Variants in CNOT1 observed in about 807,000 individuals in gnomAD.
The protein encoded by CNOT1 is CCR4-associated factor 1.
A neutral mutation model predicts 273.8 loss-of-function variants in CNOT1; 15 were observed. That is an observed-to-expected ratio of 0.05 (90% CI 0.04 to 0.08). The LOEUF is 0.08. Ranked by LOEUF, CNOT1 falls within the 10% of genes least tolerant of loss-of-function variation. The pLI, the probability that CNOT1 is intolerant of heterozygous loss-of-function variation, is 1.00. For synonymous variants in CNOT1, 1,022 were observed against 1,005.5 expected, an observed-to-expected ratio of 1.02 and a Z score of -0.31; for missense variants, 1,644 against 2,912.2, an observed-to-expected ratio of 0.56 and a Z score of 10.02.
intron 16 of CNOT1, among the ~76,000 whole-genome samples, chr16:58,565,939 C>CAAAA (rs35857214): frequency 1.4e-5 from 2 of 144,808 alleles, no homozygotes; most frequent in Admixed American, 7.0e-5. Flanking sequence ...GACCCTGCCT[C>CAAAA]AAAAAAAAAA....
intron 1 of CNOT1, among the ~76,000 whole-genome samples, chr16:58,612,805 G>A (rs1446631096): frequency 6.6e-6 from 1 of 152,090 alleles, no homozygotes; most frequent in Non-Finnish European, 1.5e-5. Context: ...AGATTTATGG[G>A]GCAGTTCCAA....
chr16:58,593,471 A>T (rs1433364569), intron 2 of CNOT1, among the ~76,000 whole-genome samples: 2 of 152,092 alleles, frequency 1.3e-5, no homozygotes, highest in Non-Finnish European at 2.9e-5. Context: ...AGACAGGAGA[A>T]TCGCTTGAAT....
At chr16:58,588,719 T>C in intron 3 of CNOT1, 80 bp downstream of exon 3, 2 of 1,518,744 alleles carry the variant, frequency 1.3e-6, no homozygotes, top group Non-Finnish European at 1.8e-6. Context: ...TTTGTACGTG[T>C]CATATGCTAC....
At chr16:58,555,666 T>C in intron 20 of CNOT1, 118 bp downstream of exon 20, 1 of 1,543,970 alleles carries the variant, frequency 6.5e-7, no homozygotes, top group Non-Finnish European at 8.7e-7. Context: ...ATATTAAGGT[T>C]TCAAAACACA....
rs778990942 is a variant in CNOT1 at position 58,599,251 on chromosome 16, C to A, written c.87G>T (p.Gln29His). 1 of 1,614,114 alleles carries A rather than the reference C, an allele frequency of 6.2e-7. No individual in the cohort carries two copies. The highest frequency in any genetic ancestry group is 8.5e-7 in the Non-Finnish European group (1 of 1,180,026). ...GTTTACTTACATGCTGTATTTCCTG[C>A]TGGCTGGCTCGGTAATTTTTCTTGG... ...NLTKKNYRAS[Q>H]QEIQHIVNRH... Residue 29 changes from glutamine (Q) to histidine (H), a missense_variant, in exon 2 of 49, where the codon CAG (glutamine) becomes CAT (histidine). This residue lies in a region of CNOT1 where 706 missense variants were observed against 1,021.2 expected (regional missense o/e 0.69). Coordinates refer to ENST00000317147, the MANE Select transcript of CNOT1 (RefSeq NM_016284.5).
At position 58,547,112 on chromosome 16, in the gene CNOT1, A is replaced by C; in HGVS notation, c.3750+74T>G. On this transcript the variant is annotated intron_variant, in intron 27 of 48. Transcript: ENST00000317147. The surrounding 1 kb of genome is among the most constrained non-coding windows in gnomAD (Gnocchi z 4.0). The stretch of plus-strand genomic sequence containing the variant: ...TTTACCTCACAAGAACTAAGAATAT[A>C]ATCTCTTGACCTCATGCTAAAACAA... 6.5e-7 allele frequency: 1 copy of C among 1,527,756 alleles called. No homozygotes were observed. The highest frequency in any genetic ancestry group is 1.3e-5 in the South Asian group (1 of 76,098). The allele number at this position is 1,527,756 out of a possible 1,614,324, so 94.6% of individuals were successfully genotyped here.
At chr16:58,543,967 C>A in intron 30 of CNOT1, 64 bp from the exon 31 acceptor site, 3 of 1,500,666 alleles carry the variant, frequency 2.0e-6, no homozygotes, top group Non-Finnish European at 1.8e-6. Context: ...TTCCTACTGG[C>A]AATCACATTC....
At position 58,578,932 on chromosome 16, in the gene CNOT1, A is replaced by G. The variant is rs776628330; in HGVS notation, c.1351T>C (p.Leu451=). ...DNREIATWKS[L]DLIESLLRLA... ...CTCAGCAGAGATTCAATCAAATCCAAGCTCTTCCTAACGAGAAAGGAAGAA... is the reference window on the plus strand; with the variant it reads ...CTCAGCAGAGATTCAATCAAATCCAGGCTCTTCCTAACGAGAAAGGAAGAA... The change falls in exon 13 of 49, where the codon TTG becomes CTG. Residue 451 remains leucine (L), a synonymous_variant. Coordinates refer to ENST00000317147, the MANE Select transcript of CNOT1 (RefSeq NM_016284.5). 3.7e-6 allele frequency: 6 copies of G among 1,613,490 alleles called. No individual in the cohort carries two copies. The highest frequency in any genetic ancestry group is 3.4e-6 in the Non-Finnish European group (4 of 1,179,500).
chr16:58,521,366 C>A (rs754244218), intron 47 of CNOT1, 49 bp from the exon 48 acceptor site: 4 of 1,538,762 alleles, frequency 2.6e-6, no homozygotes, highest in South Asian at 2.4e-5. Flanking sequence ...CATACAAATT[C>A]ATGATTATTC....
rs187483091 is a variant in CNOT1 at position 58,531,615 on chromosome 16, A to C, written c.6177+343T>G. ...CTTTAAAAACAACACCCCTACCCCCAAAAAAACCCTTAACTGACAAATATG... is the reference window on the plus strand; with the variant it reads ...CTTTAAAAACAACACCCCTACCCCCCAAAAAACCCTTAACTGACAAATATG... On this transcript the variant is annotated intron_variant, in intron 42 of 48. Transcript: ENST00000317147. Among the ~76,000 whole-genome samples the C allele has an allele frequency of 2.1e-4, 32 of 152,240 alleles. No individual in the cohort carries two copies. In the East Asian group the frequency reaches 5.0e-3, roughly 24 times the overall value.
chr16:58,569,661 A>ATT (rs2041196264), intron 16 of CNOT1, among the ~76,000 whole-genome samples: 1 of 151,018 alleles, frequency 6.6e-6, no homozygotes, highest in South Asian at 2.1e-4. Context: ...AAAATAGTTC[A>ATT]TTTGAAGATA....
intron 2 of CNOT1, among the ~76,000 whole-genome samples, chr16:58,596,887 CAAAAAAAAAAAAAAAAAAAAAA>C (rs58567423): frequency 1.0e-4 from 7 of 69,986 alleles, no homozygotes; most frequent in Non-Finnish European, 1.5e-4. Context: ...GACTCCGTCT[CAAAAAAAAAAAAAAAAAAAAAA>C]AAAAAAAACA....
intron 34 of CNOT1, 21 bp downstream of exon 34, chr16:58,541,480 T>C: frequency 6.2e-7 from 1 of 1,603,844 alleles, no homozygotes; most frequent in South Asian, 1.1e-5. Context: ...AAACACTCAA[T>C]TTAATCTAAA....
intron 2 of CNOT1, among the ~76,000 whole-genome samples, chr16:58,596,359 G>A (rs1432639476): frequency 1.3e-5 from 2 of 152,094 alleles, no homozygotes; most frequent in African/African-American, 2.4e-5. Flanking sequence ...GCCCTGTTCC[G>A]GACACTTGCT....
chr16:58,621,854 T>C (rs898538188), intron 1 of CNOT1, among the ~76,000 whole-genome samples: 3 of 135,792 alleles, frequency 2.2e-5, no homozygotes, highest in African/African-American at 8.4e-5. Flanking sequence ...GAGCTTGCAG[T>C]GAGCCGACAT....
At chr16:58,608,242 T>C (rs570794144) in intron 1 of CNOT1, among the ~76,000 whole-genome samples, 1 of 151,646 alleles carries the variant, frequency 6.6e-6, no homozygotes, top group African/African-American at 2.4e-5. Flanking sequence ...AACCTGAATG[T>C]CCAATTTGTA....
At chr16:58,580,373 A>C (rs763420339) in intron 12 of CNOT1, among the ~76,000 whole-genome samples, 1 of 152,182 alleles carries the variant, frequency 6.6e-6, no homozygotes, top group Non-Finnish European at 1.5e-5. Flanking sequence ...AGGAAGTACA[A>C]ATCTTTCCAA....
intron 2 of CNOT1, among the ~76,000 whole-genome samples, chr16:58,598,832 C>A (rs905893742): frequency 1.3e-5 from 2 of 152,048 alleles, no homozygotes; most frequent in South Asian, 4.1e-4. Context: ...GAGGCCAAGG[C>A]GGATCACTTG....
Position 58,537,185 on chromosome 16 carries a change from T to C in CNOT1, c.5450A>G (p.Tyr1817Cys). The C allele has an allele frequency of 6.2e-7, 1 of 1,612,000 alleles. No individual in the cohort carries two copies. The highest frequency in any genetic ancestry group is 8.5e-7 in the Non-Finnish European group (1 of 1,178,750). Residue 1817 changes from tyrosine to cysteine, a missense_variant, in exon 39 of 49, where the codon TAT becomes TGT. Tyr to Cys is a radical substitution (Grantham distance 194). Around this residue, in one of 13 missense-constraint regions of CNOT1, gnomAD observed 133 missense variants for 328.2 expected, o/e 0.41. Coordinates refer to ENST00000317147, the MANE Select transcript of CNOT1 (RefSeq NM_016284.5). ...ATGAGCACGATCAATCATTGCTTCA[T>C]AGTTGGATCGCACTACTTCCATCAG... ...PQLMEVVRSN[Y>C]EAMIDRAHGG...
Sources: gnomAD v4.1 joint callset for allele counts (sites outside exome capture counted in the v4.1 genomes callset) on GRCh38, gnomAD v4.1.1 for gene constraint, gnomAD v4.1.1 regional missense constraint, Gnocchi (gnomAD v3.1) non-coding constraint, MANE v1.5 for transcripts, NCBI Gene and HGNC (gene_info 2026-07-23, HGNC 2026-07-21) for gene names.